Variants in SYNRG observed in about 807,000 individuals in gnomAD.
SYNRG encodes the protein AP1 gamma subunit binding protein 1.
SYNRG carries 37 observed loss-of-function variants against 130.9 expected under a neutral mutation model. The observed-to-expected ratio is 0.28, with a 90% CI of 0.22 to 0.37. The LOEUF (loss-of-function observed/expected upper bound fraction) is 0.37, where lower values mean the gene tolerates loss of function less well. Among genes scored for constraint, SYNRG ranks in the 10% least tolerant of loss-of-function variants. SYNRG has a pLI of 1.00. For missense variants in SYNRG, 1,338 were observed against 1,588.9 expected, an observed-to-expected ratio of 0.84 and a Z score of 2.68; for synonymous variants, 539 against 568.1, an observed-to-expected ratio of 0.95 and a Z score of 0.73.
At chr17:37,539,154 C>T in intron 17 of SYNRG, 38 bp downstream of exon 17, 1 of 1,608,488 alleles carries the variant, frequency 6.2e-7, no homozygotes, top group Non-Finnish European at 8.5e-7. Flanking sequence ...CACAAAAGAG[C>T]ACTCACATAT....
At chr17:37,586,845 T>C (rs971383789) in intron 3 of SYNRG, among the ~76,000 whole-genome samples, 1 of 152,186 alleles carries the variant, frequency 6.6e-6, no homozygotes, top group African/African-American at 2.4e-5. Context: ...TGGAACTATA[T>C]GCCCACAAGT....
At chr17:37,533,873 T>C (rs1341094527) in intron 19 of SYNRG, among the ~76,000 whole-genome samples, 1 of 150,052 alleles carries the variant, frequency 6.7e-6, no homozygotes, top group Non-Finnish European at 1.5e-5. Context: ...CACTAAGGCC[T>C]TCGTTATATT....
intron 3 of SYNRG, among the ~76,000 whole-genome samples, chr17:37,589,134 G>C (rs1195919287): frequency 1.3e-5 from 2 of 152,200 alleles, no homozygotes; most frequent in Non-Finnish European, 2.9e-5. Context: ...AAGTTGAGAA[G>C]TATAGTATGA....
In SYNRG at chr17:37,542,273, A is replaced by C; in HGVS notation, c.2901T>G (p.Phe967Leu). The C allele has an allele frequency of 6.2e-7, 1 of 1,614,196 alleles. No homozygotes were observed. The highest frequency in any genetic ancestry group is 8.5e-7 in the Non-Finnish European group (1 of 1,180,052). Residue 967 changes from phenylalanine (F) to leucine (L), a missense_variant, in exon 15 of 22, where the codon TTT (phenylalanine) becomes TTG (leucine). Coordinates refer to ENST00000612223, the MANE Select transcript of SYNRG (RefSeq NM_007247.6). ...PETTFPALAS[F>L]KDTIPQTSEQ... is the part of the protein sequence containing the mutation. ...CACTGGTCTGAGGAATCGTGTCTTT[A>C]AAACTGGCAAGAGCTGGGAAGGTGG...
chr17:37,562,686 G>A (rs1008653014), intron 11 of SYNRG, among the ~76,000 whole-genome samples: 7 of 152,060 alleles, frequency 4.6e-5, no homozygotes, highest in African/African-American at 1.7e-4. Context: ...ATGATTTCAC[G>A]TCACCACCAA....
chr17:37,570,686 GCTCCACCC>G lies in SYNRG; in HGVS notation c.1290_1297del (p.Gly431CysfsTer6). 3 of 1,614,162 alleles carry G rather than the reference GCTCCACCC, an allele frequency of 1.9e-6. No homozygotes were observed. The highest frequency in any genetic ancestry group is 2.5e-6 in the Non-Finnish European group (3 of 1,180,032). On this transcript the variant is annotated frameshift_variant, in exon 10 of 22. Transcript: ENST00000612223. LOFTEE classifies it high-confidence loss of function. ...GAAACCACTAGAAGCCTGGGCTGCA[GCTCCACCC>G]ACTGGTCCAACAAGGTTAATGCCCA...
chr17:37,570,143 CTT>C (rs11320959), intron 10 of SYNRG, among the ~76,000 whole-genome samples: 40,735 of 113,024 alleles, frequency 0.36, 6,554 homozygotes, highest in East Asian at 0.61. Context: ...CATGCTGAGG[CTT>C]TTTTTTTTTT....
chr17:37,572,609 A>C (rs144332027), intron 8 of SYNRG, among the ~76,000 whole-genome samples: 1 of 152,318 alleles, frequency 6.6e-6, no homozygotes, highest in African/African-American at 2.4e-5. Context: ...GAAGCTGTAG[A>C]GTAATGATGG....
At chr17:37,562,390 TTTCTTCTTCTTC>T (rs35772731) in intron 11 of SYNRG, among the ~76,000 whole-genome samples, 1 of 151,696 alleles carries the variant, frequency 6.6e-6, no homozygotes, top group African/African-American at 2.4e-5. Context: ...AGCATTACTT[TTTCTTCTTCTTC>T]TTCTTCTTCT....
chr17:37,553,877 C>T lies in SYNRG; in HGVS notation c.1846G>A (p.Asp616Asn). The T allele has an allele frequency of 6.2e-7, 1 of 1,609,206 alleles. No individual in the cohort carries two copies. The highest frequency in any genetic ancestry group is 1.1e-5 in the South Asian group (1 of 89,888). ...TQVKNPLNLADLDMFSSVNCS... is the reference protein window; with the variant it reads ...TQVKNPLNLANLDMFSSVNCS... ...TTAACTGAGGAAAACATATCTAGGTCTGCTAAGTTCAGAGGGTTTTTCACT... is the reference window on the plus strand; with the variant it reads ...TTAACTGAGGAAAACATATCTAGGTTTGCTAAGTTCAGAGGGTTTTTCACT... Residue 616 changes from aspartate to asparagine, a missense_variant, in exon 14 of 22, where the codon GAC becomes AAC. Physicochemically the swap from Asp to Asn is conservative, Grantham distance 23. Coordinates refer to ENST00000612223, the MANE Select transcript of SYNRG (RefSeq NM_007247.6).
chr17:37,605,263 G>C (rs2063650691), intron 1 of SYNRG, among the ~76,000 whole-genome samples: 1 of 152,202 alleles, frequency 6.6e-6, no homozygotes, highest in African/African-American at 2.4e-5. Context: ...ATACATTTAA[G>C]TAATCAAGCT....
chr17:37,519,260 T>C (rs1368318941), intron 21 of SYNRG, among the ~76,000 whole-genome samples, 189 bp from the exon 22 acceptor site: 1 of 152,120 alleles, frequency 6.6e-6, no homozygotes, highest in East Asian at 1.9e-4. Context: ...ATTAAAGGTA[T>C]AAAATTGTTA....
chr17:37,571,973 T>C lies in SYNRG; in HGVS notation c.916A>G (p.Ile306Val). ...GTTGGAGTCATTGTGGTTTCTAAGA[T>C]TTTCTTATAGGCATCTATTAAAGGA... ...ESLVPDAYKK[I>V]LETTMTPTGI... The change falls in exon 9 of 22, where the codon ATC becomes GTC. Residue 306 changes from isoleucine to valine, a missense_variant. Around this residue, in one of 3 missense-constraint regions of SYNRG, gnomAD observed 1,146 missense variants for 1,342.3 expected, o/e 0.85. Coordinates refer to ENST00000612223, the MANE Select transcript of SYNRG (RefSeq NM_007247.6). 1 of 1,611,256 alleles carries C rather than the reference T, an allele frequency of 6.2e-7. No individual in the cohort carries two copies. The highest frequency in any genetic ancestry group is 8.5e-7 in the Non-Finnish European group (1 of 1,179,204).
At chr17:37,582,538 C>T (rs1387033871) in intron 6 of SYNRG, among the ~76,000 whole-genome samples, 3 of 152,106 alleles carry the variant, frequency 2.0e-5, no homozygotes, top group Non-Finnish European at 4.4e-5. Flanking sequence ...ACTCTAGCAG[C>T]TAGGTATATG....
chr17:37,547,045 G>A (rs978729446), intron 14 of SYNRG, among the ~76,000 whole-genome samples: 1 of 152,186 alleles, frequency 6.6e-6, no homozygotes, highest in Non-Finnish European at 1.5e-5. Flanking sequence ...GAATGAAAGT[G>A]ATCACAGTAT....
In SYNRG at chr17:37,514,987, A is replaced by G. The variant is rs186106963; in HGVS notation, c.*3953T>C. On this transcript the variant is annotated 3_prime_UTR_variant, in exon 22 of 22. Transcript: ENST00000612223. ...CTTTTAAAATACAGGCGCGAATTCCACATCACGCAGAAGACAACGCATTTC... is the reference window on the plus strand; with the variant it reads ...CTTTTAAAATACAGGCGCGAATTCCGCATCACGCAGAAGACAACGCATTTC... 2.0e-5 allele frequency: 3 copies of G among 152,354 alleles called. No individual in the cohort carries two copies. The highest frequency in any genetic ancestry group is 1.3e-4 in the Admixed American group (2 of 15,304). 9.4% of individuals were successfully genotyped at this position (152,354 alleles called of 1,614,324 possible).
At chr17:37,576,563 C>G in intron 7 of SYNRG, 145 bp from the exon 8 acceptor site, 2 of 612,996 alleles carry the variant, frequency 3.3e-6, no homozygotes, top group East Asian at 5.8e-5. Context: ...TCCCCCCTGC[C>G]TCCGATTCAG....
intron 14 of SYNRG, among the ~76,000 whole-genome samples, chr17:37,547,813 G>A (rs1260406696): frequency 6.6e-6 from 1 of 152,190 alleles, no homozygotes; most frequent in Non-Finnish European, 1.5e-5. Flanking sequence ...GAACAACAGA[G>A]TGACTATAGA....
In SYNRG at chr17:37,553,368, A is replaced by G. The variant is rs1301281881; in HGVS notation, c.2355T>C (p.Ser785=). 8.7e-6 allele frequency: 14 copies of G among 1,614,236 alleles called. No homozygotes were observed. The East Asian group carries it at 2.0e-4, about 23-fold the overall frequency. The change falls in exon 14 of 22, where the codon TCT becomes TCC. Residue 785 remains serine, a synonymous_variant. Coordinates refer to ENST00000612223, the MANE Select transcript of SYNRG (RefSeq NM_007247.6). ...DFADFHSSKF[S]SINSDKSLGE... ...CCAGGGATTTGTCCGAGTTTATGGA[A>G]GAAAATTTACTGGAGTGGAAGTCAG...
Sources: allele counts gnomAD v4.1 joint callset (sites outside exome capture counted in the v4.1 genomes callset), GRCh38; gene constraint gnomAD v4.1.1; regional missense constraint gnomAD v4.1.1; transcripts MANE v1.5; gene names NCBI Gene and HGNC (gene_info 2026-07-23, HGNC 2026-07-21).